DPP4: variants seen among roughly 807,000 people sequenced by gnomAD.
DPP4 encodes ADCP-2.
A neutral mutation model predicts 122.4 loss-of-function variants in DPP4; 93 were observed. That is an observed-to-expected ratio of 0.76 (90% CI 0.64 to 0.90). The LOEUF is 0.90. Ranked by LOEUF, DPP4 falls within the 40% of genes least tolerant of loss-of-function variation. The probability of loss-of-function intolerance (pLI) is 0.00; values close to 1 mark genes in which losing one functional copy is unlikely to be tolerated. For missense variants in DPP4, 914 were observed against 907.3 expected, an observed-to-expected ratio of 1.01 and a Z score of -0.09; for synonymous variants, 321 against 302.9, an observed-to-expected ratio of 1.06 and a Z score of -0.62.
At chr2:161,997,864 A>T (rs755730652) in intron 23 of DPP4, among the ~76,000 whole-genome samples, 8 of 152,208 alleles carry the variant, frequency 5.3e-5, no homozygotes, top group Non-Finnish European at 1.2e-4. Context: ...AGCAAGTGTC[A>T]GAGCTGGACA....
intron 25 of DPP4, among the ~76,000 whole-genome samples, chr2:161,993,845 ATT>A (rs113188659): frequency 6.6e-6 from 1 of 151,994 alleles, no homozygotes; most frequent in African/African-American, 2.4e-5. Flanking sequence ...AAACTAAATG[ATT>A]TTTTTTAAAG....
chr2:162,032,239 C>T (rs1045558879), intron 10 of DPP4: 1 of 152,242 alleles, frequency 6.6e-6, no homozygotes, highest in Non-Finnish European at 1.5e-5. Flanking sequence ...TGGTCATTTT[C>T]TTAATCTGTA....
intron 23 of DPP4, among the ~76,000 whole-genome samples, chr2:162,004,584 T>C (rs895456844): frequency 9.6e-6 from 1 of 104,368 alleles, no homozygotes; most frequent in Admixed American, 9.0e-5. Context: ...CACAGCTCCC[T>C]GCACACACAC....
chr2:162,067,464 C>T (rs1208311628), intron 2 of DPP4, among the ~76,000 whole-genome samples: 1 of 152,148 alleles, frequency 6.6e-6, no homozygotes, highest in Non-Finnish European at 1.5e-5. Flanking sequence ...TCTCTAGTGG[C>T]TTTGGCTCTG....
chr2:162,014,353 T>C (rs1284770684), intron 19 of DPP4, 43 bp downstream of exon 19: 1 of 1,511,372 alleles, frequency 6.6e-7, no homozygotes, highest in Non-Finnish European at 9.1e-7. Flanking sequence ...AAAATATATA[T>C]GACTCAATAC....
rs199562051 is a variant in DPP4 at position 162,074,097 on chromosome 2, T to C, written c.-116A>G. 1.8e-5 allele frequency: 27 copies of C among 1,479,526 alleles called. No individual in the cohort carries two copies. Among genetic ancestry groups the C allele is most frequent in the Non-Finnish European group, 2.2e-5 (24 of 1,114,450 alleles). 91.6% of individuals were successfully genotyped at this position (1,479,526 alleles called of 1,614,324 possible). On this transcript the variant is annotated 5_prime_UTR_variant, in exon 1 of 26. Transcript: ENST00000360534. ...TCCGGGCGGTGGAGTCACTCGCCGC[T>C]GGCAAGTTTCGGCCCCGAGTTAAAC...
chr2:162,028,244 C>G (rs1333335505), intron 10 of DPP4, among the ~76,000 whole-genome samples: 1 of 151,994 alleles, frequency 6.6e-6, no homozygotes, highest in Non-Finnish European at 1.5e-5. Context: ...CATCTGTAAT[C>G]CCAGCTACTC....
intron 23 of DPP4, among the ~76,000 whole-genome samples, chr2:161,997,433 T>G (rs1365598549): frequency 6.6e-6 from 1 of 152,220 alleles, no homozygotes; most frequent in Admixed American, 6.5e-5. Flanking sequence ...AAGATTTGTC[T>G]ATATTATGCA....
In DPP4 at chr2:162,005,916, G is replaced by C. The variant is rs1216481330; in HGVS notation, c.1988-107C>G. 10 of 866,644 alleles carry C rather than the reference G, an allele frequency of 1.2e-5. No individual in the cohort carries two copies. The Admixed American group carries it at 2.0e-4, about 17-fold the overall frequency. The allele number at this position is 866,644 out of a possible 1,614,324, so 53.7% of individuals were successfully genotyped here. A position where few individuals can be genotyped will look rare whatever the true frequency, so the allele number is the denominator to read the frequency against. Reference sequence around the variant, plus strand: ...TCCATATGTATTCACTCATGTATAGGAATATAGAGTTACTCTCAGAAGTAT... The same window carrying C: ...TCCATATGTATTCACTCATGTATAGCAATATAGAGTTACTCTCAGAAGTAT... On this transcript the variant is annotated intron_variant, in intron 22 of 25. Coordinates refer to ENST00000360534, the MANE Select transcript of DPP4 (RefSeq NM_001935.4).
chr2:162,071,935 A>G (rs900102506), intron 2 of DPP4, among the ~76,000 whole-genome samples: 1 of 152,226 alleles, frequency 6.6e-6, no homozygotes, highest in Non-Finnish European at 1.5e-5. Context: ...TGATAATTAC[A>G]GTTTTACTCA....
intron 2 of DPP4, among the ~76,000 whole-genome samples, chr2:162,052,719 A>G (rs1424787890): frequency 6.6e-6 from 1 of 152,224 alleles, no homozygotes. Context: ...TTACATCCAC[A>G]GAGTGTTAAA....
intron 10 of DPP4, among the ~76,000 whole-genome samples, chr2:162,026,778 C>A (rs1209722320): frequency 6.6e-6 from 1 of 152,204 alleles, no homozygotes; most frequent in Non-Finnish European, 1.5e-5. Flanking sequence ...GGTGAATACA[C>A]TTTACCCAAG....
intron 2 of DPP4, among the ~76,000 whole-genome samples, chr2:162,060,434 A>T (rs1021481166): frequency 6.6e-6 from 1 of 152,186 alleles, no homozygotes; most frequent in Non-Finnish European, 1.5e-5. Flanking sequence ...TCTCTTTTCC[A>T]TGGGAATACC....
At chr2:162,048,885 CT>C (rs1684283974) in intron 2 of DPP4, among the ~76,000 whole-genome samples, 2 of 152,190 alleles carry the variant, frequency 1.3e-5, no homozygotes, top group African/African-American at 4.8e-5. Context: ...TTACGTCAAC[CT>C]TTAGCACCTA....
At chr2:162,073,654 G>C in intron 1 of DPP4, 168 bp from the exon 2 acceptor site, 1 of 700,690 alleles carries the variant, frequency 1.4e-6, no homozygotes, top group Non-Finnish European at 2.5e-6. Context: ...GCCAGTTGGA[G>C]TTCTCTAAGG....
intron 5 of DPP4, 62 bp from the exon 6 acceptor site, chr2:162,039,246 A>G (rs1683902545): frequency 7.5e-7 from 1 of 1,332,838 alleles, no homozygotes; most frequent in Admixed American, 1.8e-5. Flanking sequence ...CACTCACTAT[A>G]GGAGACCAAG....
chr2:162,053,180 G>T (rs1456367369), intron 2 of DPP4, among the ~76,000 whole-genome samples: 1 of 152,224 alleles, frequency 6.6e-6, no homozygotes. Context: ...CCCAGGGTGT[G>T]GCCAAGCAAT....
chr2:162,044,449 C>T (rs1370291980), intron 5 of DPP4, among the ~76,000 whole-genome samples: 2 of 144,454 alleles, frequency 1.4e-5, no homozygotes, highest in East Asian at 2.1e-4. Context: ...GGTGTGTGAG[C>T]GTTGGTGTGT....
intron 10 of DPP4, among the ~76,000 whole-genome samples, chr2:162,029,897 G>T (rs897914397): frequency 6.6e-6 from 1 of 152,130 alleles, no homozygotes; most frequent in Non-Finnish European, 1.5e-5. Context: ...CTGGCAGCGT[G>T]AACCACTATT....
Sources: gnomAD v4.1 joint callset for allele counts (sites outside exome capture counted in the v4.1 genomes callset) on GRCh38, gnomAD v4.1.1 for gene constraint, MANE v1.5 for transcripts, NCBI Gene and HGNC (gene_info 2026-07-23, HGNC 2026-07-21) for gene names.